The following CYRIB variants were observed in gnomAD, a reference collection of about 807,000 sequenced individuals.
CYRIB encodes the protein CYFIP-related Rac1 interactor B.
Under a neutral mutation model 44.2 loss-of-function variants are expected in CYRIB, and 8 were observed. That is an observed-to-expected ratio of 0.18 (90% CI 0.11 to 0.33). CYRIB has a LOEUF of 0.33. Ranked by LOEUF, CYRIB falls within the 10% of genes least tolerant of loss-of-function variation. The pLI is 1.00. For synonymous variants in CYRIB, 131 were observed against 127.2 expected (o/e 1.03, Z -0.20); for missense variants, 185 against 382.8 (o/e 0.48, Z 4.31).
At chr8:129,991,977 A>AG (rs2096649480) in intron 1 of CYRIB, among the ~76,000 whole-genome samples, 1 of 139,496 alleles carries the variant, frequency 7.2e-6, no homozygotes, top group Non-Finnish European at 1.5e-5. Context: ...AAAAAACAAT[A>AG]GGAAGCTATT....
upstream of CYRIB, among the ~76,000 whole-genome samples, chr8:129,943,896 G>A (rs1175820821): frequency 1.5e-5 from 2 of 131,920 alleles, no homozygotes; most frequent in Non-Finnish European, 3.1e-5. Flanking sequence ...ACCGCGCCCC[G>A]CCGAGACTCC....
intron 1 of CYRIB, among the ~76,000 whole-genome samples, chr8:129,930,791 T>A (rs146138249): frequency 6.6e-6 from 1 of 152,328 alleles, no homozygotes; most frequent in East Asian, 1.9e-4. Flanking sequence ...AAATGCTTCA[T>A]CCCTCATTTT....
At chr8:129,847,156 T>C (rs1331077774) in intron 10 of CYRIB, 6 of 277,672 alleles carry the variant, frequency 2.2e-5, no homozygotes, top group Non-Finnish European at 4.0e-5. Flanking sequence ...GAAAAGGTGC[T>C]GAGTGGCGAT....
At chr8:129,928,607 G>A (rs998732421) in intron 1 of CYRIB, among the ~76,000 whole-genome samples, 2 of 151,524 alleles carry the variant, frequency 1.3e-5, no homozygotes, top group African/African-American at 2.4e-5. Flanking sequence ...CTGCAGTAAG[G>A]TGTGATTATG....
At chr8:129,875,577 G>A (rs967848289) in intron 3 of CYRIB, among the ~76,000 whole-genome samples, 13 of 151,896 alleles carry the variant, frequency 8.6e-5, no homozygotes, top group Non-Finnish European at 2.9e-5. Flanking sequence ...GCAATTTTGG[G>A]CTTATATTTT....
intron 1 of CYRIB, among the ~76,000 whole-genome samples, chr8:129,976,787 GAAGA>G (rs1300050183): frequency 3.3e-5 from 5 of 152,154 alleles, no homozygotes; most frequent in Non-Finnish European, 7.4e-5. Context: ...TTCTGAATCA[GAAGA>G]AAGAGTTTTT....
chr8:129,965,535 G>A (rs967560794), intron 2 of CYRIB, among the ~76,000 whole-genome samples: 5 of 152,094 alleles, frequency 3.3e-5, no homozygotes, highest in East Asian at 1.9e-4. Context: ...GGTGGCTCAC[G>A]CCTGTAATCC....
At chr8:129,960,278 A>T (rs1403661262) in intron 2 of CYRIB, among the ~76,000 whole-genome samples, 4 of 152,204 alleles carry the variant, frequency 2.6e-5, no homozygotes, top group South Asian at 4.1e-4. Context: ...AGTACTTTTT[A>T]AAATAAATGA....
chr8:129,966,052 T>C (rs1205586275), intron 2 of CYRIB, among the ~76,000 whole-genome samples: 2 of 152,096 alleles, frequency 1.3e-5, no homozygotes, highest in Non-Finnish European at 2.9e-5. Context: ...AGACACAGTT[T>C]CTACCATGTT....
chr8:129,990,460 C>T (rs999725869), intron 1 of CYRIB, among the ~76,000 whole-genome samples: 2 of 150,126 alleles, frequency 1.3e-5, no homozygotes, highest in Non-Finnish European at 3.0e-5. Flanking sequence ...AAGAACAATA[C>T]GGTGTGTGTG....
At chr8:129,867,825 T>C (rs1011539589) in intron 4 of CYRIB, among the ~76,000 whole-genome samples, 2 of 152,174 alleles carry the variant, frequency 1.3e-5, no homozygotes, top group Non-Finnish European at 2.9e-5. Flanking sequence ...ACTAGTTGTT[T>C]GCAATGTTTT....
Position 129,935,289 on chromosome 8 carries a change from T to C in CYRIB, c.-50+4319A>G, listed in dbSNP as rs144587942. ...GATTGGAAGGAATAAATATTCTAGA[T>C]CAATGGTCCCCAATCTTTTTGGGAC... On this transcript the variant is annotated intron_variant, in intron 1 of 11. Transcript: ENST00000519824. 9.3e-3 allele frequency among the ~76,000 whole-genome samples: 1,416 copies of C among 152,322 alleles called. 8 individuals carry two copies. The highest frequency in any genetic ancestry group is 0.015 in the Admixed American group (232 of 15,284).
rs370328849 is a variant in CYRIB, at chr8:130,005,396, C to T, written c.-296+10974G>A. On this transcript the variant is annotated intron_variant, in intron 1 of 14. Transcript: ENST00000401979. Reference sequence around the variant, plus strand: ...TCAAAAGAACTCGCCCTCCTCACTGCTGGGTCCCTTAGCGGGCTTTCACGT... The same window carrying T: ...TCAAAAGAACTCGCCCTCCTCACTGTTGGGTCCCTTAGCGGGCTTTCACGT... 6.6e-5 allele frequency among the ~76,000 whole-genome samples: 10 copies of T among 152,196 alleles called. No homozygotes were observed. The East Asian group carries it at 9.6e-4, about 15-fold the overall frequency.
chr8:129,977,811 C>T (rs112857563), intron 1 of CYRIB, among the ~76,000 whole-genome samples: 4,451 of 152,290 alleles, frequency 0.029, 204 homozygotes, highest in African/African-American at 0.1. Flanking sequence ...GGATTACAGG[C>T]GTGAGCCACT....
rs2059505551 is a variant in CYRIB, at chr8:129,877,613, C to A, written c.73+1776G>T. Reference sequence around the variant, plus strand: ...GCAGTGAGCTAAGATTGCGCCACTGCACTCTAGTCTGGGTGACAGGGTAAG... The same window carrying A: ...GCAGTGAGCTAAGATTGCGCCACTGAACTCTAGTCTGGGTGACAGGGTAAG... On this transcript the variant is annotated intron_variant, in intron 3 of 11. Transcript: ENST00000519824. Among the ~76,000 whole-genome samples, 3 of 147,706 alleles carry A rather than the reference C, an allele frequency of 2.0e-5. 1 individual carries two copies. The highest frequency in any genetic ancestry group is 6.8e-5 in the Admixed American group (1 of 14,700).
chr8:129,990,859 G>A (rs1310423922), intron 1 of CYRIB, among the ~76,000 whole-genome samples: 1 of 152,064 alleles, frequency 6.6e-6, no homozygotes, highest in Non-Finnish European at 1.5e-5. Flanking sequence ...GGCCAGGCAC[G>A]GTGGCTCACA....
chr8:129,960,717 C>T lies in CYRIB; in HGVS notation c.-243+10226G>A, dbSNP rs1199355448. On this transcript the variant is annotated intron_variant, in intron 2 of 14. Coordinates refer to the CYRIB transcript ENST00000401979. ...CTGTAATCCCAGCACTTTGGGAGGC[C>T]GAGGCAGGCGGATCACAAGGTCAGG... Among the ~76,000 whole-genome samples the T allele has an allele frequency of 2.8e-5, 4 of 145,094 alleles. No homozygotes were observed. The Admixed American group carries it at 2.8e-4, about 10-fold the overall frequency.
At chr8:129,865,653 C>T (rs1192874434) in intron 4 of CYRIB, among the ~76,000 whole-genome samples, 1 of 152,192 alleles carries the variant, frequency 6.6e-6, no homozygotes, top group African/African-American at 2.4e-5. Flanking sequence ...ACAAAACTGC[C>T]TCAGTCTCCA....
intron 2 of CYRIB, among the ~76,000 whole-genome samples, chr8:129,962,511 C>A (rs2095306528): frequency 6.6e-6 from 1 of 152,058 alleles, no homozygotes; most frequent in African/African-American, 2.4e-5. Flanking sequence ...GTGTCTAGCC[C>A]AGCATCTATG....
Sources: gnomAD v4.1 joint callset for allele counts (sites outside exome capture counted in the v4.1 genomes callset) on GRCh38, gnomAD v4.1.1 for gene constraint, MANE v1.5 for transcripts, NCBI Gene and HGNC (gene_info 2026-07-23, HGNC 2026-07-21) for gene names.